Variants in CYP2C8 observed in about 807,000 individuals in gnomAD.
The protein encoded by CYP2C8 is cytochrome P450 family 2 subfamily C member 8, also known as cytochrome P450 2C8.
A neutral mutation model predicts 41.3 loss-of-function variants in CYP2C8; 51 were observed. That is an observed-to-expected ratio of 1.24 (90% CI 0.99 to 1.56). The LOEUF is 1.56. Among genes scored for constraint, CYP2C8 ranks in the 40% most tolerant of loss-of-function variants. The probability of loss-of-function intolerance (pLI) is 0.00; values close to 1 mark genes in which losing one functional copy is unlikely to be tolerated. For missense variants in CYP2C8, 651 were observed against 579.9 expected (o/e 1.12, Z -1.26); for synonymous variants, 218 against 205.8 (o/e 1.06, Z -0.51).
chr10:95,040,395 A>G (rs1404024521), intron 7 of CYP2C8, among the ~76,000 whole-genome samples: 1 of 152,234 alleles, frequency 6.6e-6, no homozygotes, highest in East Asian at 1.9e-4. Context: ...TGTCTTCTCC[A>G]GAGGATGACA....
intron 3 of CYP2C8, among the ~76,000 whole-genome samples, chr10:95,066,153 A>AGAGAGAGAGTATGTGT (rs1342809282): frequency 1.1e-5 from 1 of 88,286 alleles, no homozygotes; most frequent in Non-Finnish European, 2.3e-5. Flanking sequence ...AGAGAGAGAG[A>AGAGAGAGAGTATGTGT]GTGTGTGTGT....
intron 5 of CYP2C8, among the ~76,000 whole-genome samples, chr10:95,046,622 A>G (rs112295502): frequency 1.0e-3 from 157 of 152,238 alleles, no homozygotes; most frequent in African/African-American, 3.7e-3. Context: ...TCAAACCAGA[A>G]CATGAATCTT....
rs749078302 is a variant in CYP2C8, at chr10:95,038,911, A to G, written c.1277T>C (p.Met426Thr). The change falls in exon 8 of 9, where the codon ATG (methionine) becomes ACG (threonine). Residue 426 changes from methionine (M) to threonine (T), a missense_variant. Met to Thr is a moderately conservative substitution (Grantham distance 81). Coordinates refer to ENST00000371270, the MANE Select transcript of CYP2C8 (RefSeq NM_000770.3). ...NGNFKKSDYF[M>T]PFSAGKRICA... ...GTTTCTATTACCTGCTGAGAAAGGC[A>G]TGAAGTAGTCACTTTTCTTAAAGTT... 6.2e-7 allele frequency: 1 copy of G among 1,613,864 alleles called. No homozygotes were observed. Among genetic ancestry groups the G allele is most frequent in the African/African-American group, 1.3e-5 (1 of 74,946 alleles).
intron 5 of CYP2C8, among the ~76,000 whole-genome samples, chr10:95,057,841 C>T (rs931828877): frequency 1.3e-5 from 2 of 152,106 alleles, no homozygotes; most frequent in Non-Finnish European, 1.5e-5. Context: ...CTCTTCCATC[C>T]ACCAACTCTT....
intron 4 of CYP2C8, among the ~76,000 whole-genome samples, chr10:95,059,868 C>T (rs1430279612): frequency 6.6e-6 from 1 of 152,188 alleles, no homozygotes; most frequent in Non-Finnish European, 1.5e-5. Flanking sequence ...ATGTGGCTAG[C>T]CAGTTTTCCC....
chr10:95,062,354 T>C (rs1393787359), intron 4 of CYP2C8, among the ~76,000 whole-genome samples: 1 of 152,238 alleles, frequency 6.6e-6, no homozygotes, highest in Non-Finnish European at 1.5e-5. Context: ...TTTAGGATAG[T>C]TAGCTCTTCT....
Position 95,069,376 on chromosome 10 carries a change from C to A in CYP2C8, c.27G>T (p.Leu9=), listed in dbSNP as rs2033634556. 6.2e-7 allele frequency: 1 copy of A among 1,614,130 alleles called. No individual in the cohort carries two copies. Reference sequence around the variant, plus strand: ...AAAAGAGAAGCATAAAAGAGAGACACAGCACCAGGACCACAAAAGGTTCCA... The same window carrying A: ...AAAAGAGAAGCATAAAAGAGAGACAAAGCACCAGGACCACAAAAGGTTCCA... MEPFVVLV[L]CLSFMLLFSL... is the part of the protein sequence containing the mutation. The change falls in exon 1 of 9, where the codon CTG becomes CTT. Residue 9 remains leucine (L), a synonymous_variant. Coordinates refer to ENST00000371270, the MANE Select transcript of CYP2C8 (RefSeq NM_000770.3).
chr10:95,068,716 T>C, intron 1 of CYP2C8: 1 of 795,578 alleles, frequency 1.3e-6, no homozygotes, highest in Non-Finnish European at 1.9e-6. Context: ...TGTTTCTGTA[T>C]TCACAAAATG....
At chr10:95,060,604 G>C (rs192733782) in intron 4 of CYP2C8, among the ~76,000 whole-genome samples, 32 of 152,154 alleles carry the variant, frequency 2.1e-4, no homozygotes, top group Admixed American at 7.9e-4. Flanking sequence ...GACAATTTGA[G>C]TTCCTCTTTT....
chr10:95,067,992 A>G (rs989124259), intron 1 of CYP2C8, among the ~76,000 whole-genome samples: 2 of 152,216 alleles, frequency 1.3e-5, no homozygotes, highest in Non-Finnish European at 2.9e-5. Flanking sequence ...AACTGAGGCC[A>G]GAGAATTGCA....
chr10:95,043,377 C>T (rs1175425030), intron 6 of CYP2C8, among the ~76,000 whole-genome samples: 3 of 151,562 alleles, frequency 2.0e-5, no homozygotes, highest in Non-Finnish European at 4.4e-5. Context: ...CAATAAATTA[C>T]AGTGCTTGCA....
chr10:95,065,708 G>A (rs1161621841), intron 3 of CYP2C8, among the ~76,000 whole-genome samples: 1 of 151,872 alleles, frequency 6.6e-6, no homozygotes, highest in Non-Finnish European at 1.5e-5. Flanking sequence ...AATTCATTTG[G>A]GCAAAACTAC....
At chr10:95,060,806 T>G (rs914150461) in intron 4 of CYP2C8, among the ~76,000 whole-genome samples, 2 of 152,146 alleles carry the variant, frequency 1.3e-5, no homozygotes, top group East Asian at 1.9e-4. Context: ...TTATTATTTT[T>G]AGATACGTCC....
chr10:95,039,342 T>C (rs2079557303), intron 7 of CYP2C8: 1 of 369,554 alleles, frequency 2.7e-6, no homozygotes, highest in Admixed American at 4.2e-5. Context: ...CACTTCAAAT[T>C]TGACACATCT....
At chr10:95,059,588 T>C (rs147714225) in intron 4 of CYP2C8, among the ~76,000 whole-genome samples, 3,917 of 152,334 alleles carry the variant, frequency 0.026, 86 homozygotes, top group Middle Eastern at 0.088. Context: ...TCCCATTCTG[T>C]AGGATGCCTA....
chr10:95,059,305 G>T (rs2033375318), intron 4 of CYP2C8, among the ~76,000 whole-genome samples: 1 of 152,168 alleles, frequency 6.6e-6, no homozygotes, highest in Non-Finnish European at 1.5e-5. Context: ...TCCAGAACCT[G>T]TTGTTTCCTG....
At chr10:95,057,457 T>A (rs1474770481) in intron 5 of CYP2C8, among the ~76,000 whole-genome samples, 1 of 152,198 alleles carries the variant, frequency 6.6e-6, no homozygotes. Context: ...TTGACAAGTT[T>A]ATTCTTAAAT....
intron 5 of CYP2C8, among the ~76,000 whole-genome samples, chr10:95,049,453 A>G (rs1180616847): frequency 2.0e-5 from 3 of 152,198 alleles, no homozygotes; most frequent in Admixed American, 6.5e-5. Flanking sequence ...AGGGAGGGAG[A>G]GCACAGCAAT....
intron 2 of CYP2C8, 76 bp from the exon 3 acceptor site, chr10:95,067,433 A>G (rs767877277): frequency 1.2e-5 from 20 of 1,613,112 alleles, no homozygotes; most frequent in Non-Finnish European, 1.5e-5. Context: ...GCAGCCATGC[A>G]GATAGGCTAA....
Sources: allele counts gnomAD v4.1 joint callset (sites outside exome capture counted in the v4.1 genomes callset), GRCh38; gene constraint gnomAD v4.1.1; transcripts MANE v1.5; gene names NCBI Gene and HGNC (gene_info 2026-07-23, HGNC 2026-07-21).